The following ZNF267 variants were observed in gnomAD, a reference collection of about 807,000 sequenced individuals.
ZNF267 encodes the protein zinc finger (C2H2).
A neutral mutation model predicts 71.6 loss-of-function variants in ZNF267; 61 were observed. That is an observed-to-expected ratio of 0.85 (90% confidence interval 0.69 to 1.05). ZNF267 has a LOEUF of 1.05. Ranked by LOEUF, ZNF267 falls within the 50% of genes least tolerant of loss-of-function variation. The pLI is 0.00. For missense variants in ZNF267, 852 were observed against 870.0 expected (o/e 0.98, Z 0.26); for synonymous variants, 288 against 293.2 (o/e 0.98, Z 0.18).
intron 1 of ZNF267, among the ~76,000 whole-genome samples, chr16:31,882,800 C>T (rs1168339894): frequency 1.3e-5 from 2 of 152,212 alleles, no homozygotes; most frequent in African/African-American, 4.8e-5. Flanking sequence ...ACAGACGATG[C>T]TAACTTCATT....
intron 1 of ZNF267, chr16:31,875,133 T>G: frequency 7.8e-7 from 1 of 1,289,200 alleles, no homozygotes; most frequent in Non-Finnish European, 1.0e-6. Context: ...CTTGAGGTTT[T>G]GCTTTGGAAA....
rs1353650339 is a variant in ZNF267 at position 31,877,134 on chromosome 16, C to G, written c.3+3165C>G. On this transcript the variant is annotated intron_variant, in intron 1 of 3. Coordinates refer to ENST00000300870, the MANE Select transcript of ZNF267 (RefSeq NM_003414.6). Reference sequence around the variant, plus strand: ...ACTCATTAATCATTTTAACACTCCCCCCACCCGACAACTGGTTTTCCCCCT... The same window carrying G: ...ACTCATTAATCATTTTAACACTCCCGCCACCCGACAACTGGTTTTCCCCCT... 2.0e-5 allele frequency among the ~76,000 whole-genome samples: 3 copies of G among 152,036 alleles called. 1 individual carries two copies. Among genetic ancestry groups the G allele is most frequent in the Non-Finnish European group, 1.5e-5 (1 of 67,990 alleles).
At chr16:31,891,033 G>C (rs2083956778) in intron 3 of ZNF267, among the ~76,000 whole-genome samples, 1 of 151,724 alleles carries the variant, frequency 6.6e-6, no homozygotes, top group South Asian at 2.1e-4. Context: ...TTCTCATGCT[G>C]TCTTCTGTTA....
chr16:31,874,022 G>C, intron 1 of ZNF267, 53 bp downstream of exon 1: 1 of 1,596,418 alleles, frequency 6.3e-7, no homozygotes, highest in Admixed American at 1.7e-5. Flanking sequence ...GTGGTCGGAA[G>C]CGGCGGGAAC....
At chr16:31,885,652 G>A (rs2083919259) in intron 3 of ZNF267, among the ~76,000 whole-genome samples, 1 of 152,180 alleles carries the variant, frequency 6.6e-6, no homozygotes, top group African/African-American at 2.4e-5. Context: ...GTGATGGACA[G>A]TGGAATTTTT....
intron 1 of ZNF267, among the ~76,000 whole-genome samples, chr16:31,876,983 G>T (rs2083856743): frequency 6.6e-6 from 1 of 152,174 alleles, no homozygotes; most frequent in Non-Finnish European, 1.5e-5. Flanking sequence ...ACAGAAAGAG[G>T]CATTTGGGGT....
intron 3 of ZNF267, among the ~76,000 whole-genome samples, chr16:31,908,503 A>G (rs2084109549): frequency 6.6e-6 from 1 of 152,066 alleles, no homozygotes; most frequent in Non-Finnish European, 1.5e-5. Context: ...AGTTTCCCCA[A>G]TGTTTTCTTG....
chr16:31,880,357 T>A (rs2083881410), intron 1 of ZNF267, among the ~76,000 whole-genome samples: 1 of 152,180 alleles, frequency 6.6e-6, no homozygotes, highest in Admixed American at 6.5e-5. Flanking sequence ...GCCACCACTG[T>A]CCAGAGCCAT....
chr16:31,874,082 C>A, intron 1 of ZNF267, 113 bp downstream of exon 1: 1 of 1,233,532 alleles, frequency 8.1e-7, no homozygotes, highest in Non-Finnish European at 1.2e-6. Flanking sequence ...GGGGTCTGGG[C>A]CCCGAGTCCC....
intron 3 of ZNF267, among the ~76,000 whole-genome samples, chr16:31,905,090 C>T (rs1160891832): frequency 2.6e-5 from 4 of 152,228 alleles, no homozygotes; most frequent in African/African-American, 7.2e-5. Flanking sequence ...AAATTCTTTT[C>T]TTTAAGAATG....
chr16:31,886,252 G>A (rs1596616766), intron 3 of ZNF267, among the ~76,000 whole-genome samples: 1 of 152,320 alleles, frequency 6.6e-6, no homozygotes, highest in Non-Finnish European at 1.5e-5. Flanking sequence ...TTTTGTGTGT[G>A]TGGTGAGAAC....
Position 31,916,584 on chromosome 16 carries a change from A to C in ZNF267, c.*103A>C, listed in dbSNP as rs553281664. On this transcript the variant is annotated 3_prime_UTR_variant, in exon 4 of 4. Transcript: ENST00000300870. ...ACCCTACAAATGTTAAGAATGTGGCATAACCTTTAACTATTTTCAAGCCTT... is the reference window on the plus strand; with the variant it reads ...ACCCTACAAATGTTAAGAATGTGGCCTAACCTTTAACTATTTTCAAGCCTT... 8.7e-7 allele frequency: 1 copy of C among 1,145,450 alleles called. No individual in the cohort carries two copies. The highest frequency in any genetic ancestry group is 2.7e-5 in the Admixed American group (1 of 36,408). The allele number at this position is 1,145,450 out of a possible 1,614,324, so 71.0% of individuals were successfully genotyped here. A position where few individuals can be genotyped will look rare whatever the true frequency, so the allele number is the denominator to read the frequency against.
At position 31,914,458 on chromosome 16, in the gene ZNF267, A is replaced by G. The variant is rs1334540031; in HGVS notation, c.227-18A>G. 5.8e-6 allele frequency: 9 copies of G among 1,539,186 alleles called. No homozygotes were observed. The South Asian group carries it at 1.1e-4, about 20-fold the overall frequency. On this transcript the variant is annotated intron_variant, in intron 3 of 3. Transcript: ENST00000300870. Reference sequence around the variant, plus strand: ...TGAATATAGTAATTGGAATTCTTAAAATTTTTATATCTTTCAGATGTGTTT... The same window carrying G: ...TGAATATAGTAATTGGAATTCTTAAGATTTTTATATCTTTCAGATGTGTTT...
intron 3 of ZNF267, among the ~76,000 whole-genome samples, chr16:31,905,738 C>T (rs567566784): frequency 2.1e-4 from 32 of 152,208 alleles, no homozygotes; most frequent in African/African-American, 6.7e-4. Flanking sequence ...CGAACTTCCT[C>T]GTTTAGCTCA....
At chr16:31,894,228 G>A (rs1264906418) in intron 3 of ZNF267, among the ~76,000 whole-genome samples, 1 of 152,194 alleles carries the variant, frequency 6.6e-6, no homozygotes, top group Non-Finnish European at 1.5e-5. Flanking sequence ...TTCTAGATTT[G>A]AGGAAAATCT....
At chr16:31,878,659 C>T (rs2083868975) in intron 1 of ZNF267, among the ~76,000 whole-genome samples, 1 of 152,240 alleles carries the variant, frequency 6.6e-6, no homozygotes, top group African/African-American at 2.4e-5. Flanking sequence ...CCACCTGGGC[C>T]AGTATCTGTA....
chr16:31,915,595 C>A lies in ZNF267; in HGVS notation c.1346C>A (p.Ser449Ter). The A allele has an allele frequency of 6.2e-7, 1 of 1,613,592 alleles. No homozygotes were observed. The highest frequency in any genetic ancestry group is 1.1e-5 in the South Asian group (1 of 91,014). Reference sequence around the variant, plus strand: ...TGTGGAAAAGCTTTTAACCGTAGTTCATGCCTTACTCAACATCAGACAACT... The same window carrying A: ...TGTGGAAAAGCTTTTAACCGTAGTTAATGCCTTACTCAACATCAGACAACT... Reference protein sequence around the residue: ...KECGKAFNRSSCLTQHQTTHT... With the variant: ...KECGKAFNRS Residue 449 changes from serine to a stop codon, truncating the protein, a stop_gained, in exon 4 of 4, where the codon TCA becomes TAA. Transcript: ENST00000300870. LOFTEE classifies it high-confidence loss of function.
chr16:31,905,857 G>A (rs139460936), intron 3 of ZNF267, among the ~76,000 whole-genome samples: 2,096 of 152,236 alleles, frequency 0.014, 57 homozygotes, highest in African/African-American at 0.048. Context: ...AGGAGGAGAG[G>A]CACTCTGATT....
rs181105349 is a variant in ZNF267, at chr16:31,885,920, G to A, written c.226+664G>A. ...CCACAAATGTAAAATAGTTTAATGT[G>A]TATTACTTATTATATAGACTTCTTA... On this transcript the variant is annotated intron_variant, in intron 3 of 3. Transcript: ENST00000300870. Among the ~76,000 whole-genome samples, 50 of 152,206 alleles carry A rather than the reference G, an allele frequency of 3.3e-4. No homozygotes were observed. The East Asian group carries it at 7.1e-3, about 22-fold the overall frequency.
Sources: allele counts gnomAD v4.1 joint callset (sites outside exome capture counted in the v4.1 genomes callset), GRCh38; gene constraint gnomAD v4.1.1; transcripts MANE v1.5; gene names NCBI Gene and HGNC (gene_info 2026-07-23, HGNC 2026-07-21).